The following CFDP1 variants were observed in gnomAD, a reference collection of about 807,000 sequenced individuals.
CFDP1 encodes the protein heterochromatin-stabilizing protein CFDP1.
CFDP1 carries 31 observed loss-of-function variants against 40.1 expected under a neutral mutation model. That is an observed-to-expected ratio of 0.77 (90% CI 0.58 to 1.04). The LOEUF (loss-of-function observed/expected upper bound fraction) is 1.04. CFDP1 is among the 50% of genes least tolerant of loss of function. The pLI, the probability that CFDP1 is intolerant of heterozygous loss-of-function variation, is 0.00. For missense variants in CFDP1, 423 were observed against 343.4 expected, an observed-to-expected ratio of 1.23 and a Z score of -1.83; for synonymous variants, 167 against 120.0, an observed-to-expected ratio of 1.39 and a Z score of -2.56.
chr16:75,418,733 A>T (rs1198758121), intron 1 of CFDP1, among the ~76,000 whole-genome samples: 2 of 24,676 alleles, frequency 8.1e-5, no homozygotes, highest in Non-Finnish European at 1.1e-4. Context: ...AAGGCTCCCT[A>T]AAAAAAAAAA....
chr16:75,433,051 G>A (rs774335920), intron 1 of CFDP1, among the ~76,000 whole-genome samples: 2 of 152,232 alleles, frequency 1.3e-5, no homozygotes, highest in Non-Finnish European at 2.9e-5. Context: ...CGGTTCCCGC[G>A]CTGCAAGAGG....
In CFDP1 at chr16:75,433,239, G is replaced by A. The variant is rs769972768; in HGVS notation, c.64+50C>T. 17 of 1,526,244 alleles carry A rather than the reference G, an allele frequency of 1.1e-5. No individual in the cohort carries two copies. In the African/African-American group the frequency reaches 1.4e-4, roughly 12 times the overall value. 94.5% of individuals were successfully genotyped at this position (1,526,244 alleles called of 1,614,324 possible). A position where few individuals can be genotyped will look rare whatever the true frequency, so the allele number is the denominator to read the frequency against. On this transcript the variant is annotated intron_variant, in intron 1 of 6. Transcript: ENST00000283882. ...CGCGGGGGCAGAGCGCGCCTCACGT[G>A]AGGCGTGGGGCGGGGCAATTCGCTT...
chr16:75,371,269 AC>A (rs1411309879), intron 5 of CFDP1, among the ~76,000 whole-genome samples: 3 of 152,234 alleles, frequency 2.0e-5, no homozygotes, highest in Non-Finnish European at 4.4e-5. Flanking sequence ...GTCTCTAGAC[AC>A]TGCCAAAAGT....
chr16:75,354,370 G>A (rs2151528070), intron 5 of CFDP1, among the ~76,000 whole-genome samples: 1 of 152,262 alleles, frequency 6.6e-6, no homozygotes, highest in East Asian at 1.9e-4. Flanking sequence ...TCACTGTTGT[G>A]GAGAAGAAAG....
chr16:75,297,145 CTT>C (rs1555551778), intron 6 of CFDP1, among the ~76,000 whole-genome samples: 5,225 of 139,056 alleles, frequency 0.038, 256 homozygotes, highest in South Asian at 0.086. Context: ...CTTCCCATTT[CTT>C]GTGTGTGTGT....
intron 5 of CFDP1, among the ~76,000 whole-genome samples, chr16:75,390,340 C>G (rs1260746288): frequency 6.6e-6 from 1 of 152,244 alleles, no homozygotes; most frequent in Non-Finnish European, 1.5e-5. Flanking sequence ...GGCCCCTGCC[C>G]TTGCTGGCCT....
intron 5 of CFDP1, among the ~76,000 whole-genome samples, chr16:75,331,171 A>T (rs1423153403): frequency 1.3e-5 from 2 of 152,216 alleles, no homozygotes; most frequent in African/African-American, 4.8e-5. Flanking sequence ...ACAGCAGGGG[A>T]GAAGGATGAG....
intron 5 of CFDP1, among the ~76,000 whole-genome samples, chr16:75,351,925 T>A (rs912878720): frequency 2.1e-5 from 3 of 144,922 alleles, no homozygotes; most frequent in Non-Finnish European, 4.5e-5. Context: ...AGAGAATCAC[T>A]TGAACCCGGG....
At chr16:75,294,112 C>T in intron 6 of CFDP1, 70 bp from the exon 7 acceptor site, 4 of 1,168,312 alleles carry the variant, frequency 3.4e-6, no homozygotes, top group Non-Finnish European at 5.1e-6. Context: ...CAGTCCCATC[C>T]CCCAGGGATA....
Position 75,412,730 on chromosome 16 carries a change from T to G in CFDP1, c.207A>C (p.Ser69=), listed in dbSNP as rs184421634. ...CATCCTCCTCTTCCTCTTCTTCTAA[T>G]GAGAGGCCACCTTGTCTTCTCTTCC... The part of the protein sequence containing the change: ...PARKRRQGGL[S]LEEEEEEDAN... The change falls in exon 3 of 7, where the codon TCA becomes TCC. Residue 69 remains serine (S), a synonymous_variant. Transcript: ENST00000283882. 5 of 1,613,598 alleles carry G rather than the reference T, an allele frequency of 3.1e-6. No homozygotes were observed. In the East Asian group the frequency reaches 6.7e-5, roughly 22 times the overall value.
At chr16:75,314,198 T>C (rs866666909) in intron 5 of CFDP1, among the ~76,000 whole-genome samples, 7 of 152,328 alleles carry the variant, frequency 4.6e-5, no homozygotes, top group African/African-American at 1.4e-4. Context: ...TTCATTGTTA[T>C]ATTTGTCTAT....
At chr16:75,378,492 A>C (rs1017150383) in intron 5 of CFDP1, among the ~76,000 whole-genome samples, 1 of 152,196 alleles carries the variant, frequency 6.6e-6, no homozygotes, top group East Asian at 1.9e-4. Context: ...GTTTTAAAAA[A>C]TGGTGATCAT....
chr16:75,389,736 T>C (rs1240574988), intron 5 of CFDP1, among the ~76,000 whole-genome samples: 2 of 152,224 alleles, frequency 1.3e-5, no homozygotes, highest in Admixed American at 1.3e-4. Context: ...ATTATTCCTA[T>C]AGATCCTTCC....
chr16:75,414,917 A>G (rs2079191638), intron 1 of CFDP1, among the ~76,000 whole-genome samples: 1 of 151,990 alleles, frequency 6.6e-6, no homozygotes, highest in Non-Finnish European at 1.5e-5. Context: ...GGCAGTCTCT[A>G]TTTCCCCTCC....
At chr16:75,305,718 C>A (rs190270245) in intron 5 of CFDP1, among the ~76,000 whole-genome samples, 1 of 152,296 alleles carries the variant, frequency 6.6e-6, no homozygotes, top group Non-Finnish European at 1.5e-5. Context: ...AAGCTTAAAG[C>A]CCCAGGGGGT....
rs114504905 is a variant in CFDP1, at chr16:75,380,344, A to G, written c.650+14746T>C. ...GGCAACCTCCGGGTATTTGGATCAA[A>G]GAAGGAACTGAAAACCACAGTAGAG... On this transcript the variant is annotated intron_variant, in intron 5 of 6. Coordinates refer to ENST00000283882, the MANE Select transcript of CFDP1 (RefSeq NM_006324.3). 6.0e-3 allele frequency among the ~76,000 whole-genome samples: 920 copies of G among 152,318 alleles called. 12 individuals carry two copies. The highest frequency in any genetic ancestry group is 0.02 in the African/African-American group (829 of 41,554).
At chr16:75,409,920 C>G (rs1017887862) in intron 4 of CFDP1, among the ~76,000 whole-genome samples, 1 of 151,710 alleles carries the variant, frequency 6.6e-6, no homozygotes, top group African/African-American at 2.4e-5. Flanking sequence ...TTGTTCCATA[C>G]CATTTGTAAA....
At chr16:75,384,012 A>C (rs1358686798) in intron 5 of CFDP1, among the ~76,000 whole-genome samples, 1 of 152,168 alleles carries the variant, frequency 6.6e-6, no homozygotes, top group Non-Finnish European at 1.5e-5. Flanking sequence ...CATTTGACAA[A>C]TACACAAAAT....
chr16:75,400,002 G>A (rs889631327), intron 4 of CFDP1, among the ~76,000 whole-genome samples: 11 of 150,636 alleles, frequency 7.3e-5, no homozygotes, highest in Admixed American at 6.6e-5. Flanking sequence ...TTGGGAGGCT[G>A]AGGCAGCAGA....
Sources: allele counts gnomAD v4.1 joint callset (sites outside exome capture counted in the v4.1 genomes callset), GRCh38; gene constraint gnomAD v4.1.1; transcripts MANE v1.5; gene names NCBI Gene and HGNC (gene_info 2026-07-23, HGNC 2026-07-21).